The following DOCK8 variants were observed in gnomAD, a reference collection of about 807,000 sequenced individuals.
DOCK8 encodes the protein dedicator of cytokinesis protein 8.
DOCK8 carries 141 observed loss-of-function variants against 245.6 expected under a neutral mutation model. The observed-to-expected ratio is 0.57, with a 90% CI of 0.50 to 0.66. The LOEUF (loss-of-function observed/expected upper bound fraction) is 0.66, where lower values mean the gene tolerates loss of function less well. Ranked by LOEUF, DOCK8 falls within the 30% of genes least tolerant of loss-of-function variation. DOCK8 has a pLI of 0.00. For missense variants in DOCK8, 2,965 were observed against 2,603.4 expected (o/e 1.14, Z -3.02); for synonymous variants, 1,168 against 970.2 (o/e 1.20, Z -3.79).
At chr9:357,093 G>C (rs967221529) in intron 14 of DOCK8, among the ~76,000 whole-genome samples, 1 of 152,130 alleles carries the variant, frequency 6.6e-6, no homozygotes, top group Admixed American at 6.5e-5. Context: ...GGGTTTTAAG[G>C]ATGGCTCCTT....
intron 4 of DOCK8, among the ~76,000 whole-genome samples, chr9:301,176 G>A (rs2049528264): frequency 6.6e-6 from 1 of 152,108 alleles, no homozygotes; most frequent in South Asian, 2.1e-4. Context: ...GGGATGCGAG[G>A]TTGGTTCACC....
At chr9:246,984 A>C (rs1164658245) in intron 1 of DOCK8, among the ~76,000 whole-genome samples, 1 of 152,152 alleles carries the variant, frequency 6.6e-6, no homozygotes, top group Non-Finnish European at 1.5e-5. Context: ...ATACCACAGA[A>C]AAAAAATGAG....
chr9:226,502 A>G (rs1211534920), intron 1 of DOCK8, among the ~76,000 whole-genome samples: 4 of 152,192 alleles, frequency 2.6e-5, no homozygotes, highest in Non-Finnish European at 5.9e-5. Context: ...TGGAGAATCC[A>G]GGGGAAAGAT....
At chr9:334,776 C>T (rs561962670) in intron 11 of DOCK8, among the ~76,000 whole-genome samples, 10 of 152,162 alleles carry the variant, frequency 6.6e-5, no homozygotes, top group African/African-American at 2.4e-4. Context: ...GTTACAAAGG[C>T]TTCAAAAAGC....
In DOCK8 at chr9:420,437, A is replaced by G. The variant is rs1243111296; in HGVS notation, c.3877A>G (p.Thr1293Ala). ...GTACAACATGCTGAACGCGGACACT[A>G]CTCGCAACCTCATGATCTGCTTCCT... ...KQYNMLNADT[T>A]RNLMICFLWI... The change falls in exon 31 of 48, where the codon ACT becomes GCT. Residue 1293 changes from threonine to alanine, a missense_variant. Thr to Ala is a moderately conservative substitution (Grantham distance 58). Coordinates refer to ENST00000432829, the MANE Select transcript of DOCK8 (RefSeq NM_203447.4). 2 of 1,613,870 alleles carry G rather than the reference A, an allele frequency of 1.2e-6. No individual in the cohort carries two copies. Among genetic ancestry groups the G allele is most frequent in the Non-Finnish European group, 1.7e-6 (2 of 1,179,972 alleles).
intron 14 of DOCK8, among the ~76,000 whole-genome samples, chr9:362,997 G>C (rs541997322): frequency 2.6e-5 from 4 of 152,194 alleles, no homozygotes; most frequent in African/African-American, 4.8e-5. Flanking sequence ...GACTCCACAA[G>C]TTAACCCCCA....
In DOCK8 at chr9:452,122, G is replaced by C; in HGVS notation, c.6068+5G>C. On this transcript the variant is annotated splice_donor_5th_base_variant and intron_variant, in intron 46 of 47. Transcript: ENST00000432829. The stretch of plus-strand genomic sequence containing the variant: ...CTTTAAGGAATTCATCATGAGGTAA[G>C]AAGGAAAATGGCTGGGAATTTCAGT... 1.3e-6 allele frequency: 2 copies of C among 1,587,042 alleles called. No homozygotes were observed. Among genetic ancestry groups the C allele is most frequent in the South Asian group, 1.1e-5 (1 of 90,200 alleles).
In DOCK8 at chr9:436,804, C is replaced by T. The variant is rs566204309; in HGVS notation, c.5079+1829C>T. ...TGAATACTTATTCTGTCCTCATGAA[C>T]GTTACATTCTAACCAGAGAGACGTA... is the stretch of plus-strand genomic sequence containing the variant. On this transcript the variant is annotated intron_variant, in intron 39 of 47. Coordinates refer to ENST00000432829, the MANE Select transcript of DOCK8 (RefSeq NM_203447.4). Among the ~76,000 whole-genome samples the T allele has an allele frequency of 5.3e-5, 8 of 152,290 alleles. No individual in the cohort carries two copies. The East Asian group carries it at 1.3e-3, about 26-fold the overall frequency.
At chr9:307,029 A>C (rs1262760860) in intron 5 of DOCK8, among the ~76,000 whole-genome samples, 3 of 152,160 alleles carry the variant, frequency 2.0e-5, no homozygotes, top group African/African-American at 7.2e-5. Flanking sequence ...GGAAGTACCA[A>C]AAGAACCTGA....
chr9:424,288 A>G (rs1391916514), intron 33 of DOCK8, among the ~76,000 whole-genome samples: 1 of 151,458 alleles, frequency 6.6e-6, no homozygotes, highest in Non-Finnish European at 1.5e-5. Flanking sequence ...ACCCTAGACT[A>G]CTTCAATTGG....
Position 390,581 on chromosome 9 carries a change from C to T in DOCK8, c.2970+15C>T, listed in dbSNP as rs1208446002. The T allele has an allele frequency of 8.7e-6, 14 of 1,610,904 alleles. No homozygotes were observed. Among genetic ancestry groups the T allele is most frequent in the African/African-American group, 2.7e-5 (2 of 74,920 alleles). On this transcript the variant is annotated intron_variant, in intron 24 of 47. Transcript: ENST00000432829. Reference sequence around the variant, plus strand: ...TTGAGCTTCTGGTGAGATTCTTGCGCGTTTGTATCTGTGCTCAATAGGCCA... The same window carrying T: ...TTGAGCTTCTGGTGAGATTCTTGCGTGTTTGTATCTGTGCTCAATAGGCCA...
intron 28 of DOCK8, among the ~76,000 whole-genome samples, chr9:407,970 A>G (rs1004163411): frequency 5.9e-5 from 9 of 152,166 alleles, no homozygotes; most frequent in African/African-American, 1.4e-4. Flanking sequence ...GAACTTGCCC[A>G]CTATTCCATA....
chr9:391,973 A>G (rs2054211383), intron 24 of DOCK8, among the ~76,000 whole-genome samples: 1 of 151,674 alleles, frequency 6.6e-6, no homozygotes, highest in African/African-American at 2.4e-5. Flanking sequence ...ACCCATCCCT[A>G]CTAAAAATAC....
intron 14 of DOCK8, among the ~76,000 whole-genome samples, chr9:362,887 A>T (rs895340910): frequency 2.6e-5 from 4 of 152,244 alleles, no homozygotes; most frequent in Non-Finnish European, 5.9e-5. Context: ...AATGATTTCA[A>T]GGTCCCTTGG....
intron 8 of DOCK8, among the ~76,000 whole-genome samples, chr9:326,235 A>T (rs2050763141): frequency 6.6e-6 from 1 of 152,070 alleles, no homozygotes; most frequent in Admixed American, 6.6e-5. Context: ...TCATTTTGTG[A>T]CTCCTAGAAG....
intron 28 of DOCK8, among the ~76,000 whole-genome samples, chr9:408,906 ATG>A (rs56012931): frequency 0.071 from 9,324 of 132,112 alleles, 961 homozygotes; most frequent in African/African-American, 0.23. Flanking sequence ...GCGCGTGCAC[ATG>A]CACACACACA....
At chr9:423,964 C>T (rs536028143) in intron 33 of DOCK8, among the ~76,000 whole-genome samples, 13 of 152,158 alleles carry the variant, frequency 8.5e-5, no homozygotes, top group South Asian at 4.2e-4. Context: ...CATGGCCTAC[C>T]GGTTTGCTCT....
At position 427,000 on chromosome 9, in the gene DOCK8, CA is replaced by C; in HGVS notation, c.4338+21del. On this transcript the variant is annotated intron_variant, in intron 34 of 47. Coordinates refer to ENST00000432829, the MANE Select transcript of DOCK8 (RefSeq NM_203447.4). ...TATCCAGGTGAGGAAAACAAACACC[CA>C]ATCTGATTTGTTGGCCATGAATATG... 6.3e-7 allele frequency: 1 copy of C among 1,595,412 alleles called. No homozygotes were observed. The highest frequency in any genetic ancestry group is 8.6e-7 in the Non-Finnish European group (1 of 1,163,520).
intron 9 of DOCK8, among the ~76,000 whole-genome samples, chr9:330,007 G>A (rs1261940504): frequency 6.6e-6 from 1 of 152,102 alleles, no homozygotes; most frequent in Admixed American, 6.6e-5. Flanking sequence ...ATAGTAAATG[G>A]TGTTAAACTA....
Sources: gnomAD v4.1 joint callset for allele counts (sites outside exome capture counted in the v4.1 genomes callset) on GRCh38, gnomAD v4.1.1 for gene constraint, MANE v1.5 for transcripts, NCBI Gene and HGNC (gene_info 2026-07-23, HGNC 2026-07-21) for gene names.